RORB: variants seen among roughly 807,000 people sequenced by gnomAD.
RORB encodes nuclear receptor ROR-beta.
RORB carries 6 observed loss-of-function variants against 59.1 expected under a neutral mutation model. The observed-to-expected ratio is 0.10, with a 90% CI of 0.06 to 0.20. The LOEUF (loss-of-function observed/expected upper bound fraction) is 0.20. RORB is among the 10% of genes least tolerant of loss of function. RORB has a pLI of 1.00. For missense variants in RORB, 320 were observed against 560.5 expected (o/e 0.57, Z 4.33); for synonymous variants, 215 against 204.5 (o/e 1.05, Z -0.44).
rs1356375972 is a variant in RORB, at chr9:74,526,347, G to GA, written c.7+28368dup. ...ACTATGTGGCTTGAGCAACCAACGA[G>GA]AAAACCCTAAAAGACTTATTCAGAC... On this transcript the variant is annotated intron_variant, in intron 1 of 9. Transcript: ENST00000376896. 4.0e-5 allele frequency among the ~76,000 whole-genome samples: 6 copies of GA among 151,858 alleles called. No individual in the cohort carries two copies. The East Asian group carries it at 9.7e-4, about 25-fold the overall frequency.
intron 1 of RORB, among the ~76,000 whole-genome samples, chr9:74,611,740 C>T (rs1390998746): frequency 3.3e-5 from 5 of 152,192 alleles, no homozygotes; most frequent in African/African-American, 1.2e-4. Context: ...CTCCACCTCC[C>T]AGGCTCAAGC....
intron 5 of RORB, among the ~76,000 whole-genome samples, chr9:74,661,489 C>T (rs11144047): frequency 0.069 from 10,542 of 151,964 alleles, 560 homozygotes; most frequent in East Asian, 0.31. Context: ...TCGCTATGGT[C>T]AATAAAAATT....
chr9:74,666,458 TAA>T (rs541144093), intron 7 of RORB, among the ~76,000 whole-genome samples: 3 of 140,678 alleles, frequency 2.1e-5, no homozygotes, highest in Non-Finnish European at 3.1e-5. Context: ...GAGACCCTGT[TAA>T]AAAAAAAAAA....
chr9:74,508,369 G>A (rs1025257712), intron 1 of RORB, among the ~76,000 whole-genome samples: 1 of 151,904 alleles, frequency 6.6e-6, no homozygotes, highest in Non-Finnish European at 1.5e-5. Context: ...TATGTGATTG[G>A]TTTTAGAAAG....
intron 1 of RORB, among the ~76,000 whole-genome samples, chr9:74,614,225 G>A (rs1292579961): frequency 6.6e-6 from 1 of 152,182 alleles, no homozygotes; most frequent in African/African-American, 2.4e-5. Context: ...TTCTGAAAAA[G>A]AAGCAAGGAA....
intron 1 of RORB, among the ~76,000 whole-genome samples, chr9:74,548,798 G>A (rs760199488): frequency 7.9e-5 from 12 of 152,082 alleles, no homozygotes; most frequent in South Asian, 2.1e-4. Context: ...ACATAATACC[G>A]TAAACAAATT....
At chr9:74,572,521 C>T (rs1309658552) in intron 1 of RORB, among the ~76,000 whole-genome samples, 2 of 152,004 alleles carry the variant, frequency 1.3e-5, no homozygotes, top group Non-Finnish European at 2.9e-5. Context: ...GAACTGGTAG[C>T]ATTGACAATT....
intron 1 of RORB, among the ~76,000 whole-genome samples, chr9:74,577,036 A>C (rs988640003): frequency 1.3e-5 from 2 of 152,070 alleles, no homozygotes; most frequent in Non-Finnish European, 2.9e-5. Context: ...AGAGGTTTCA[A>C]GTGTATGTAG....
intron 1 of RORB, among the ~76,000 whole-genome samples, chr9:74,531,166 T>A (rs932363344): frequency 2.0e-5 from 3 of 152,002 alleles, no homozygotes; most frequent in African/African-American, 7.2e-5. Flanking sequence ...TAGTTATCAG[T>A]CAGCATGAGT....
At chr9:74,568,708 A>AG (rs1489853670) in intron 1 of RORB, among the ~76,000 whole-genome samples, 4 of 151,664 alleles carry the variant, frequency 2.6e-5, no homozygotes, top group South Asian at 2.1e-4. Context: ...TCAAAAAAAA[A>AG]AAAAAAGAAA....
intron 9 of RORB, among the ~76,000 whole-genome samples, chr9:74,682,829 C>A (rs780759982): frequency 6.6e-6 from 1 of 152,164 alleles, no homozygotes; most frequent in African/African-American, 2.4e-5. Flanking sequence ...TGGCTTCAAG[C>A]GATCCTCTTG....
In RORB at chr9:74,689,352, C is replaced by G. The variant is rs1199657187; in HGVS notation, c.*3734C>G. 6.6e-6 allele frequency: 1 copy of G among 152,360 alleles called. No homozygotes were observed. Among genetic ancestry groups the G allele is most frequent in the Non-Finnish European group, 1.5e-5 (1 of 68,166 alleles). 9.4% of individuals were successfully genotyped at this position (152,360 alleles called of 1,614,324 possible). On this transcript the variant is annotated 3_prime_UTR_variant, in exon 10 of 10. Transcript: ENST00000376896. ...CTCCTGACCTCAAGTGATCCACCCG[C>G]CTTGGCCTCCCAAAGTGCAAGGATT...
At chr9:74,660,290 TAG>T (rs1824158734) in intron 4 of RORB, among the ~76,000 whole-genome samples, 1 of 152,160 alleles carries the variant, frequency 6.6e-6, no homozygotes, top group African/African-American at 2.4e-5. Context: ...TTAAGACTGT[TAG>T]TTGACTTTCA....
chr9:74,674,589 A>G (rs1168198391), intron 9 of RORB, among the ~76,000 whole-genome samples: 1 of 152,188 alleles, frequency 6.6e-6, no homozygotes, highest in African/African-American at 2.4e-5. Flanking sequence ...CTACATGCCT[A>G]CTTCCTGAAA....
intron 1 of RORB, among the ~76,000 whole-genome samples, chr9:74,535,875 A>T (rs1826315375): frequency 6.6e-6 from 1 of 152,066 alleles, no homozygotes; most frequent in South Asian, 2.1e-4. Flanking sequence ...AGTACAAATG[A>T]CTGGAAAATA....
At chr9:74,525,158 G>A (rs912809009) in intron 1 of RORB, among the ~76,000 whole-genome samples, 4 of 151,804 alleles carry the variant, frequency 2.6e-5, no homozygotes, top group Admixed American at 6.6e-5. Context: ...TTCAAAAAGC[G>A]AGCAATACTT....
intron 1 of RORB, among the ~76,000 whole-genome samples, chr9:74,530,296 T>C (rs920245224): frequency 6.6e-6 from 1 of 152,030 alleles, no homozygotes; most frequent in African/African-American, 2.4e-5. Flanking sequence ...AAATCTATCA[T>C]AGTTGGTGTA....
At chr9:74,669,560 T>C (rs1824317988) in intron 8 of RORB, among the ~76,000 whole-genome samples, 1 of 151,320 alleles carries the variant, frequency 6.6e-6, no homozygotes, top group Non-Finnish European at 1.5e-5. Context: ...AACAATAATA[T>C]AGTAATAAAT....
In RORB at chr9:74,686,589, A is replaced by T. The variant is rs1824650484; in HGVS notation, c.*971A>T. On this transcript the variant is annotated 3_prime_UTR_variant, in exon 10 of 10. Coordinates refer to ENST00000376896, the MANE Select transcript of RORB (RefSeq NM_006914.4). ...TGAAACAAGCTTGATTTCAGTGCTT[A>T]TTGTGTCTTCAACTGAAAAATACAA... The T allele has an allele frequency of 1.3e-5, 2 of 152,162 alleles. No homozygotes were observed. The highest frequency in any genetic ancestry group is 4.1e-4 in the South Asian group (2 of 4,824). 9.4% of individuals were successfully genotyped at this position (152,162 alleles called of 1,614,324 possible).
Sources: gnomAD v4.1 joint callset for allele counts (sites outside exome capture counted in the v4.1 genomes callset) on GRCh38, gnomAD v4.1.1 for gene constraint, MANE v1.5 for transcripts, NCBI Gene and HGNC (gene_info 2026-07-23, HGNC 2026-07-21) for gene names.